Variants in CCSER1 observed in about 807,000 individuals in gnomAD.
The protein encoded by CCSER1 is coiled-coil serine rich protein 1, also known as serine-rich coiled-coil domain-containing protein 1.
CCSER1 carries 41 observed loss-of-function variants against 82.0 expected under a neutral mutation model. The observed-to-expected ratio is 0.50, with a 90% CI of 0.39 to 0.65. CCSER1 has a LOEUF of 0.65. CCSER1 is among the 30% of genes least tolerant of loss of function. The pLI, the probability that CCSER1 is intolerant of heterozygous loss-of-function variation, is 0.00. For synonymous variants in CCSER1, 414 were observed against 383.9 expected (o/e 1.08, Z -0.92); for missense variants, 1,119 against 1,064.2 (o/e 1.05, Z -0.72).
At chr4:91,445,529 A>T (rs1206780005) in intron 10 of CCSER1, among the ~76,000 whole-genome samples, 1 of 151,976 alleles carries the variant, frequency 6.6e-6, no homozygotes, top group Admixed American at 6.6e-5. Context: ...AGTAGAGATT[A>T]TATATTTTTG....
chr4:90,575,566 G>A (rs1780642238), intron 5 of CCSER1, among the ~76,000 whole-genome samples: 1 of 152,170 alleles, frequency 6.6e-6, no homozygotes, highest in South Asian at 2.1e-4. Context: ...GTTAGCATGT[G>A]GAATTACATC....
intron 10 of CCSER1, among the ~76,000 whole-genome samples, chr4:91,282,198 A>T (rs552927599): frequency 6.6e-6 from 1 of 152,288 alleles, no homozygotes; most frequent in Non-Finnish European, 1.5e-5. Flanking sequence ...AGATTTAGGC[A>T]GATCTCCTTT....
chr4:91,320,582 T>C (rs1312696729), intron 10 of CCSER1, among the ~76,000 whole-genome samples: 1 of 152,074 alleles, frequency 6.6e-6, no homozygotes, highest in Non-Finnish European at 1.5e-5. Context: ...AAGAGTGCTG[T>C]CATTTCCTTT....
rs149580162 is a variant in CCSER1, at chr4:90,597,836, C to A, written c.1725-30189C>A. Among the ~76,000 whole-genome samples, 110 of 152,066 alleles carry A rather than the reference C, an allele frequency of 7.2e-4. 1 individual carries two copies. The East Asian group carries it at 0.019, about 26-fold the overall frequency. Reference sequence around the variant, plus strand: ...CTGCCATGGTAGCCACTTTTTAATTCTCTGTCTCTATAGGGTTGACCTTCA... The same window carrying A: ...CTGCCATGGTAGCCACTTTTTAATTATCTGTCTCTATAGGGTTGACCTTCA... On this transcript the variant is annotated intron_variant, in intron 5 of 10. Transcript: ENST00000509176.
At chr4:90,322,087 G>A (rs1242126151) in intron 3 of CCSER1, among the ~76,000 whole-genome samples, 1 of 151,958 alleles carries the variant, frequency 6.6e-6, no homozygotes. Context: ...TTTCCCTAAT[G>A]TTTTCTTCCA....
intron 1 of CCSER1, among the ~76,000 whole-genome samples, chr4:90,269,708 A>C (rs900878690): frequency 4.1e-5 from 6 of 148,086 alleles, no homozygotes; most frequent in African/African-American, 1.3e-4. Context: ...GAAATTGAAG[A>C]AAACAATACA....
intron 9 of CCSER1, among the ~76,000 whole-genome samples, chr4:91,037,579 C>A (rs1027752232): frequency 1.6e-5 from 2 of 124,140 alleles, no homozygotes; most frequent in Non-Finnish European, 3.7e-5. Context: ...GATATTTCTA[C>A]TTTTCCTTCT....
chr4:90,937,945 C>T (rs1031384274), intron 9 of CCSER1, among the ~76,000 whole-genome samples: 2 of 152,096 alleles, frequency 1.3e-5, no homozygotes, highest in Admixed American at 6.6e-5. Flanking sequence ...TATAACTTAC[C>T]ATCTTTGTAG....
At chr4:90,614,611 C>A (rs1165265542) in intron 5 of CCSER1, among the ~76,000 whole-genome samples, 1 of 152,086 alleles carries the variant, frequency 6.6e-6, no homozygotes, top group Non-Finnish European at 1.5e-5. Flanking sequence ...TCCCTTATGC[C>A]AAAGCCTAAT....
chr4:90,381,598 T>C (rs1452114475), intron 3 of CCSER1, among the ~76,000 whole-genome samples: 1 of 152,104 alleles, frequency 6.6e-6, no homozygotes, highest in East Asian at 1.9e-4. Flanking sequence ...GGTCACTTTG[T>C]TTCAGAAATG....
intron 6 of CCSER1, among the ~76,000 whole-genome samples, chr4:90,720,110 T>C (rs1370409648): frequency 2.6e-5 from 4 of 152,136 alleles, no homozygotes; most frequent in Non-Finnish European, 4.4e-5. Flanking sequence ...AGTTCTTTCG[T>C]GTTGAGTTCT....
chr4:90,935,131 C>G (rs1402287353), intron 9 of CCSER1, among the ~76,000 whole-genome samples: 3 of 151,984 alleles, frequency 2.0e-5, no homozygotes, highest in South Asian at 4.1e-4. Context: ...ATTACTGAAT[C>G]TAGGTGCTAT....
chr4:91,166,963 G>A (rs1227714908), intron 10 of CCSER1, among the ~76,000 whole-genome samples: 3 of 151,954 alleles, frequency 2.0e-5, no homozygotes, highest in African/African-American at 7.2e-5. Context: ...ATTAAATGGT[G>A]CAAATAAAAA....
chr4:91,162,879 C>G (rs1731585640), intron 10 of CCSER1, among the ~76,000 whole-genome samples: 2 of 152,042 alleles, frequency 1.3e-5, no homozygotes, highest in South Asian at 4.2e-4. Flanking sequence ...TTCAAAAAAC[C>G]AGCTCCTGGA....
intron 1 of CCSER1, among the ~76,000 whole-genome samples, chr4:90,272,895 C>A (rs550928202): frequency 1.3e-5 from 2 of 151,978 alleles, no homozygotes; most frequent in Non-Finnish European, 2.9e-5. Flanking sequence ...CCCAGCTACT[C>A]GGGAGGCTGA....
At chr4:90,936,271 C>A (rs1019134480) in intron 9 of CCSER1, among the ~76,000 whole-genome samples, 3 of 151,816 alleles carry the variant, frequency 2.0e-5, no homozygotes, top group Admixed American at 1.3e-4. Context: ...ACCTTAAAGC[C>A]CAAGAAGATT....
intron 7 of CCSER1, among the ~76,000 whole-genome samples, chr4:90,763,547 A>G (rs533541865): frequency 4.4e-4 from 67 of 152,152 alleles, no homozygotes; most frequent in Non-Finnish European, 5.7e-4. Context: ...TTGATATTTT[A>G]CAAACAATGT....
intron 8 of CCSER1, among the ~76,000 whole-genome samples, chr4:90,824,969 A>G (rs1760217365): frequency 6.6e-6 from 1 of 151,392 alleles, no homozygotes; most frequent in Non-Finnish European, 1.5e-5. Context: ...AGACAGATGT[A>G]GAGTGTGAAT....
At chr4:91,481,504 A>G (rs1757912416) in intron 10 of CCSER1, among the ~76,000 whole-genome samples, 1 of 152,128 alleles carries the variant, frequency 6.6e-6, no homozygotes, top group African/African-American at 2.4e-5. Context: ...TAAAGGCCCT[A>G]TCTCCAAATA....
Sources: gnomAD v4.1 joint callset for allele counts (sites outside exome capture counted in the v4.1 genomes callset) on GRCh38, gnomAD v4.1.1 for gene constraint, MANE v1.5 for transcripts, NCBI Gene and HGNC (gene_info 2026-07-23, HGNC 2026-07-21) for gene names.